Variants in SDHAF3 observed in about 807,000 individuals in gnomAD.
SDHAF3 encodes succinate dehydrogenase assembly factor 3, mitochondrial.
In SDHAF3, 18 loss-of-function variants were observed where a neutral mutation model predicts 11.5. The ratio of observed to expected loss-of-function variants is 1.56; its 90% confidence interval spans 1.08 to 2.32. SDHAF3 has a LOEUF of 2.32. SDHAF3 is among the 30% of genes most tolerant of loss of function. SDHAF3 has a pLI of 0.00. For missense variants in SDHAF3, 200 were observed against 154.4 expected, an observed-to-expected ratio of 1.30 and a Z score of -1.57; for synonymous variants, 72 against 59.3, an observed-to-expected ratio of 1.21 and a Z score of -0.99.
intron 1 of SDHAF3, among the ~76,000 whole-genome samples, chr7:97,141,351 C>T (rs1186715442): frequency 6.6e-6 from 1 of 152,122 alleles, no homozygotes; most frequent in African/African-American, 2.4e-5. Flanking sequence ...ACACCCTATT[C>T]GTACACTCCC....
At chr7:97,165,736 G>C (rs143808022) in intron 1 of SDHAF3, among the ~76,000 whole-genome samples, 2 of 152,332 alleles carry the variant, frequency 1.3e-5, no homozygotes, top group African/African-American at 4.8e-5. Flanking sequence ...AGAGTGCAAG[G>C]CTAAGTTGGC....
chr7:97,135,256 T>G (rs1791733308), intron 1 of SDHAF3: 1 of 152,186 alleles, frequency 6.6e-6, no homozygotes, highest in Admixed American at 6.5e-5. Context: ...TGCCAGTGTT[T>G]GTGGATTTGT....
At chr7:97,149,249 T>C (rs1334568944) in intron 1 of SDHAF3, among the ~76,000 whole-genome samples, 1 of 152,186 alleles carries the variant, frequency 6.6e-6, no homozygotes, top group Non-Finnish European at 1.5e-5. Context: ...TTTGTGTCTT[T>C]TGATATACAT....
At chr7:97,165,737 C>A (rs1789494018) in intron 1 of SDHAF3, among the ~76,000 whole-genome samples, 1 of 152,184 alleles carries the variant, frequency 6.6e-6, no homozygotes, top group Admixed American at 6.5e-5. Flanking sequence ...GAGTGCAAGG[C>A]TAAGTTGGCA....
chr7:97,178,793 T>G (rs1789728102), intron 1 of SDHAF3, among the ~76,000 whole-genome samples: 1 of 152,154 alleles, frequency 6.6e-6, no homozygotes, highest in Non-Finnish European at 1.5e-5. Context: ...ATTTTGTAGT[T>G]TGTCTTTTTA....
intron 1 of SDHAF3, among the ~76,000 whole-genome samples, chr7:97,118,307 ATTAT>A (rs1480090645): frequency 1.3e-5 from 2 of 152,312 alleles, no homozygotes; most frequent in Non-Finnish European, 2.9e-5. Context: ...TCCGTAATTT[ATTAT>A]TTAATCTCAG....
At chr7:97,162,409 C>G (rs1465289278) in intron 1 of SDHAF3, among the ~76,000 whole-genome samples, 5 of 152,008 alleles carry the variant, frequency 3.3e-5, no homozygotes, top group Non-Finnish European at 2.9e-5. Context: ...TTAGTTATTT[C>G]TTATCTTCTG....
At chr7:97,160,092 GC>G (rs1332704824) in intron 1 of SDHAF3, among the ~76,000 whole-genome samples, 1 of 150,890 alleles carries the variant, frequency 6.6e-6, no homozygotes, top group Non-Finnish European at 1.5e-5. Flanking sequence ...AGTGAGGAGC[GC>G]CTCTGCCCGG....
chr7:97,161,624 C>T lies in SDHAF3; in HGVS notation c.175-19388C>T, dbSNP rs1298064038. Among the ~76,000 whole-genome samples the T allele has an allele frequency of 5.3e-5, 8 of 152,078 alleles. No homozygotes were observed. The East Asian group carries it at 1.4e-3, about 26-fold the overall frequency. On this transcript the variant is annotated intron_variant, in intron 1 of 1. Coordinates refer to ENST00000432641, the MANE Select transcript of SDHAF3 (RefSeq NM_020186.3). Reference sequence around the variant, plus strand: ...TGACAGGCCCTGGTGTGTGCTGTTCCCCTCCCTGTGTACATATATTCTCCT... The same window carrying T: ...TGACAGGCCCTGGTGTGTGCTGTTCTCCTCCCTGTGTACATATATTCTCCT...
intron 1 of SDHAF3, among the ~76,000 whole-genome samples, chr7:97,124,931 G>A (rs748345923): frequency 3.3e-5 from 5 of 152,138 alleles, no homozygotes; most frequent in Admixed American, 6.5e-5. Context: ...ACACAATCAG[G>A]TCATCTGCAA....
chr7:97,172,090 A>C (rs1457699317), intron 1 of SDHAF3, among the ~76,000 whole-genome samples: 1 of 152,192 alleles, frequency 6.6e-6, no homozygotes, highest in African/African-American at 2.4e-5. Context: ...TGAGGTGTTC[A>C]GAACAAAATA....
At chr7:97,126,649 C>T (rs1356535657) in intron 1 of SDHAF3, among the ~76,000 whole-genome samples, 1 of 152,102 alleles carries the variant, frequency 6.6e-6, no homozygotes, top group Non-Finnish European at 1.5e-5. Flanking sequence ...CCCCTCCCCC[C>T]ACCAAGCTGT....
chr7:97,151,843 T>C (rs1789229677), intron 1 of SDHAF3, among the ~76,000 whole-genome samples: 4 of 152,054 alleles, frequency 2.6e-5, no homozygotes, highest in Admixed American at 2.0e-4. Context: ...TCCAGATCCA[T>C]CTTTAGGCAG....
rs116742156 is a variant in SDHAF3 at position 97,137,483 on chromosome 7, G to A, written c.174+19586G>A. 9.3e-3 allele frequency among the ~76,000 whole-genome samples: 1,423 copies of A among 152,308 alleles called. 21 individuals are homozygous for A. The highest frequency in any genetic ancestry group is 0.032 in the African/African-American group (1,334 of 41,574). On this transcript the variant is annotated intron_variant, in intron 1 of 1. Coordinates refer to ENST00000432641, the MANE Select transcript of SDHAF3 (RefSeq NM_020186.3). ...TTCAAGTCAAGGATATGGAGAAATTGTTCAAAATGTAGGCCTTGAACTATG... is the reference window on the plus strand; with the variant it reads ...TTCAAGTCAAGGATATGGAGAAATTATTCAAAATGTAGGCCTTGAACTATG...
At chr7:97,175,179 C>T (rs191132791) in intron 1 of SDHAF3, among the ~76,000 whole-genome samples, 15 of 152,234 alleles carry the variant, frequency 9.9e-5, no homozygotes, top group Non-Finnish European at 4.4e-5. Context: ...TCTTTAAAAA[C>T]ATCTGTATAA....
At chr7:97,174,144 C>G (rs556475096) in intron 1 of SDHAF3, among the ~76,000 whole-genome samples, 1 of 152,038 alleles carries the variant, frequency 6.6e-6, no homozygotes, top group South Asian at 2.1e-4. Context: ...GTCTCGAACT[C>G]CTGACCTCAA....
chr7:97,156,124 G>A (rs1789298214), intron 1 of SDHAF3, among the ~76,000 whole-genome samples: 1 of 152,036 alleles, frequency 6.6e-6, no homozygotes, highest in Non-Finnish European at 1.5e-5. Flanking sequence ...TCTGTTCCAG[G>A]ATTCCACCCA....
chr7:97,136,627 T>C (rs573909715), intron 1 of SDHAF3, among the ~76,000 whole-genome samples: 2 of 152,288 alleles, frequency 1.3e-5, no homozygotes, highest in African/African-American at 2.4e-5. Flanking sequence ...TAGTAATGGG[T>C]AGTGTGAAGT....
At chr7:97,180,986 A>ATAACC in intron 1 of SDHAF3, 26 bp from the exon 2 acceptor site, 1 of 1,584,104 alleles carries the variant, frequency 6.3e-7, no homozygotes, top group Non-Finnish European at 8.6e-7. Flanking sequence ...CTTTACATCT[A>ATAACC]TAACCTTCAT....
Sources: gnomAD v4.1 joint callset for allele counts (sites outside exome capture counted in the v4.1 genomes callset) on GRCh38, gnomAD v4.1.1 for gene constraint, MANE v1.5 for transcripts, NCBI Gene and HGNC (gene_info 2026-07-23, HGNC 2026-07-21) for gene names.